AGFG1: variants seen among roughly 807,000 people sequenced by gnomAD.
AGFG1 encodes the protein ArfGAP with FG repeats 1.
Under a neutral mutation model 60.6 loss-of-function variants are expected in AGFG1, and 10 were observed. The ratio of observed to expected loss-of-function variants is 0.16; its 90% CI spans 0.10 to 0.28. The LOEUF (loss-of-function observed/expected upper bound fraction) is 0.28. AGFG1 is among the 10% of genes least tolerant of loss of function. AGFG1 has a pLI of 1.00. For missense variants in AGFG1, 537 were observed against 676.5 expected, an observed-to-expected ratio of 0.79 and a Z score of 2.29; for synonymous variants, 247 against 242.9, an observed-to-expected ratio of 1.02 and a Z score of -0.16.
intron 5 of AGFG1, among the ~76,000 whole-genome samples, chr2:227,526,931 AACATGTT>A (rs1364149346): frequency 3.3e-5 from 5 of 152,210 alleles, no homozygotes; most frequent in Non-Finnish European, 5.9e-5. Flanking sequence ...ATTTGTTACA[AACATGTT>A]TAATGCATGT....
At chr2:227,540,428 G>T (rs1022517822) in intron 10 of AGFG1, among the ~76,000 whole-genome samples, 1 of 152,076 alleles carries the variant, frequency 6.6e-6, no homozygotes, top group South Asian at 2.1e-4. Flanking sequence ...TCCCACCTAT[G>T]AGTTAGAACA....
intron 2 of AGFG1, among the ~76,000 whole-genome samples, chr2:227,494,644 T>A (rs961794952): frequency 6.6e-6 from 1 of 152,224 alleles, no homozygotes; most frequent in Non-Finnish European, 1.5e-5. Flanking sequence ...TGACTTGTAA[T>A]GTGTTGAACA....
chr2:227,476,432 T>C (rs1396086851), intron 1 of AGFG1, among the ~76,000 whole-genome samples: 1 of 152,208 alleles, frequency 6.6e-6, no homozygotes, highest in African/African-American at 2.4e-5. Context: ...ATATAAAAGA[T>C]TGTCCTAGCC....
At chr2:227,489,156 T>C (rs578253648) in intron 1 of AGFG1, among the ~76,000 whole-genome samples, 1 of 151,956 alleles carries the variant, frequency 6.6e-6, no homozygotes, top group East Asian at 1.9e-4. Flanking sequence ...CCTTATTTTA[T>C]GATTGCAAGC....
intron 2 of AGFG1, among the ~76,000 whole-genome samples, chr2:227,501,319 G>T (rs746940914): frequency 2.6e-5 from 4 of 152,186 alleles, no homozygotes; most frequent in Non-Finnish European, 5.9e-5. Context: ...GACCTCAGGT[G>T]ATCTGTCCAC....
intron 1 of AGFG1, among the ~76,000 whole-genome samples, chr2:227,476,982 A>G (rs914172377): frequency 2.0e-5 from 3 of 150,548 alleles, no homozygotes; most frequent in Non-Finnish European, 2.9e-5. Flanking sequence ...GCTCACTGCA[A>G]CCTCTGTCTC....
At chr2:227,501,772 C>T (rs1321610505) in intron 2 of AGFG1, among the ~76,000 whole-genome samples, 1 of 152,146 alleles carries the variant, frequency 6.6e-6, no homozygotes, top group South Asian at 2.1e-4. Flanking sequence ...TTAGTAGAGA[C>T]GGAGTCTACT....
Position 227,555,731 on chromosome 2 carries a change from A to G in AGFG1, c.*1236A>G, listed in dbSNP as rs1287331175. 3 of 152,480 alleles carry G rather than the reference A, an allele frequency of 2.0e-5. No individual in the cohort carries two copies. The highest frequency in any genetic ancestry group is 4.4e-5 in the Non-Finnish European group (3 of 68,030). The allele number at this position is 152,480 out of a possible 1,614,324, so 9.4% of individuals were successfully genotyped here. On this transcript the variant is annotated 3_prime_UTR_variant, in exon 13 of 13. Transcript: ENST00000310078. ...TTCAAATGAACTTGTTTAAGTATCT[A>G]TGTACAGTAATGCCTCATTCATCTA...
intron 1 of AGFG1, among the ~76,000 whole-genome samples, chr2:227,484,688 G>GTTTTTTTTTTTTTTTTTTTTTTTTTT (rs745570416): frequency 1.2e-4 from 3 of 25,092 alleles, no homozygotes; most frequent in African/African-American, 3.4e-4. Context: ...TTTTTTTTTT[G>GTTTTTTTTTTTTTTTTTTTTTTTTTT]TTTTTTTTTT....
rs1044017620 is a variant in AGFG1 at position 227,531,366 on chromosome 2, T to A, written c.814+156T>A. 5.9e-5 allele frequency among the ~76,000 whole-genome samples: 9 copies of A among 152,274 alleles called. No homozygotes were observed. In the East Asian group the frequency reaches 1.7e-3, roughly 29 times the overall value. On this transcript the variant is annotated intron_variant, in intron 6 of 12. Coordinates refer to ENST00000310078, the MANE Select transcript of AGFG1 (RefSeq NM_004504.5). ...GCTCTGGGGAAACCTGAACTCTTTA[T>A]TTTTTTCTATGTTCATTTGTTTTTC...
At chr2:227,496,093 A>G (rs6414209) in intron 2 of AGFG1, among the ~76,000 whole-genome samples, 87,420 of 146,176 alleles carry the variant, frequency 0.6, 26,327 homozygotes, top group South Asian at 0.69. Context: ...AGCCTGGGCA[A>G]CAGAGTGAGA....
intron 2 of AGFG1, among the ~76,000 whole-genome samples, chr2:227,501,945 A>G (rs1691169853): frequency 6.6e-6 from 1 of 151,920 alleles, no homozygotes; most frequent in South Asian, 2.1e-4. Flanking sequence ...TGCAGCCTTG[A>G]CCACCTGTGC....
intron 2 of AGFG1, among the ~76,000 whole-genome samples, chr2:227,517,306 A>G (rs7556706): frequency 0.65 from 98,902 of 152,088 alleles, 32,138 homozygotes; most frequent in South Asian, 0.75. Context: ...TCACTCTGTC[A>G]TCAGGCTGGA....
intron 2 of AGFG1, among the ~76,000 whole-genome samples, chr2:227,504,711 G>A (rs192228826): frequency 5.1e-4 from 77 of 152,228 alleles, no homozygotes; most frequent in Admixed American, 3.9e-3. Context: ...TAGAAGTAGT[G>A]GTTTAATTTT....
intron 3 of AGFG1, among the ~76,000 whole-genome samples, chr2:227,523,138 A>G (rs1018462399): frequency 6.6e-6 from 1 of 152,180 alleles, no homozygotes; most frequent in Non-Finnish European, 1.5e-5. Context: ...ACACCTATTT[A>G]TATATTTTAG....
In AGFG1 at chr2:227,535,018, G is replaced by A. The variant is rs1016508614; in HGVS notation, c.1198G>A (p.Ala400Thr). ...TAATGCGTATACTTCCACAAGTAATGCTAGCAGGTACCTTGTCTTAGCTAG... is the reference window on the plus strand; with the variant it reads ...TAATGCGTATACTTCCACAAGTAATACTAGCAGGTACCTTGTCTTAGCTAG... The part of the protein sequence containing the change: ...SSNAYTSTSN[A>T]SSNVFGTVPV... Residue 400 changes from alanine (A) to threonine (T), a missense_variant, in exon 8 of 13, where the codon GCT (alanine) becomes ACT (threonine). Transcript: ENST00000310078. 2 of 1,609,462 alleles carry A rather than the reference G, an allele frequency of 1.2e-6. No homozygotes were observed. The highest frequency in any genetic ancestry group is 1.7e-6 in the Non-Finnish European group (2 of 1,177,648).
intron 10 of AGFG1, among the ~76,000 whole-genome samples, chr2:227,550,600 C>G (rs954310368): frequency 1.3e-5 from 2 of 151,946 alleles, no homozygotes; most frequent in Non-Finnish European, 2.9e-5. Context: ...CACCTGCTTC[C>G]CAATGGCCTG....
rs1488828789 is a variant in AGFG1 at position 227,556,417 on chromosome 2, CT to C, written c.*1926del. 2.6e-5 allele frequency: 4 copies of C among 152,598 alleles called. No individual in the cohort carries two copies. Among genetic ancestry groups the C allele is most frequent in the Non-Finnish European group, 4.4e-5 (3 of 68,044 alleles). 9.5% of individuals were successfully genotyped at this position (152,598 alleles called of 1,614,324 possible). ...CCCTTTTCTGAGCAGTATGCCTCTT[CT>C]TTTAGAATTAAATGAATGCTGCACA... On this transcript the variant is annotated 3_prime_UTR_variant, in exon 13 of 13. Coordinates refer to ENST00000310078, the MANE Select transcript of AGFG1 (RefSeq NM_004504.5).
rs763203799 is a variant in AGFG1, at chr2:227,554,389, T to C, written c.1630-47T>C. Reference sequence around the variant, plus strand: ...GTTTAATGTTTTTATATTTTGTACATGCACTACTTTTGTCTCTTTATTTAT... The same window carrying C: ...GTTTAATGTTTTTATATTTTGTACACGCACTACTTTTGTCTCTTTATTTAT... On this transcript the variant is annotated intron_variant, in intron 12 of 12. Transcript: ENST00000310078. The C allele has an allele frequency of 3.1e-5, 45 of 1,453,812 alleles. No individual in the cohort carries two copies. The South Asian group carries it at 5.3e-4, about 17-fold the overall frequency. 90.1% of individuals were successfully genotyped at this position (1,453,812 alleles called of 1,614,324 possible).
Sources: allele counts gnomAD v4.1 joint callset (sites outside exome capture counted in the v4.1 genomes callset), GRCh38; gene constraint gnomAD v4.1.1; transcripts MANE v1.5; gene names NCBI Gene and HGNC (gene_info 2026-07-23, HGNC 2026-07-21).